Variants in PRKCQ observed in about 807,000 individuals in gnomAD.
PRKCQ encodes the protein protein kinase C theta type.
PRKCQ carries 41 observed loss-of-function variants against 91.2 expected under a neutral mutation model. The ratio of observed to expected loss-of-function variants is 0.45; its 90% CI spans 0.35 to 0.58. The LOEUF is 0.58. PRKCQ is among the 20% of genes least tolerant of loss of function. The pLI is 0.00. For missense variants in PRKCQ, 673 were observed against 896.5 expected, an observed-to-expected ratio of 0.75 and a Z score of 3.18; for synonymous variants, 307 against 316.9, an observed-to-expected ratio of 0.97 and a Z score of 0.33.
At chr10:6,395,122 GC>G in the PRKCQ span, among the ~76,000 whole-genome samples, 14 of 146,318 alleles carry the variant, frequency 9.6e-5, no homozygotes, top group Admixed American at 2.1e-4. Context: ...GAGTGCAGTG[GC>G]TGTGATCTCG....
chr10:6,490,142 G>A (rs938821837), intron 8 of PRKCQ, among the ~76,000 whole-genome samples: 8 of 152,032 alleles, frequency 5.3e-5, no homozygotes, highest in Admixed American at 2.6e-4. Context: ...GTCCTTTGGG[G>A]CCAGGAACGG....
rs77047902 is a variant in PRKCQ at position 6,446,947 on chromosome 10, G to A, written c.1648-4866C>T. Among the ~76,000 whole-genome samples the A allele has an allele frequency of 5.3e-3, 812 of 152,292 alleles. 10 individuals are homozygous for A. Among genetic ancestry groups the A allele is most frequent in the African/African-American group, 0.019 (770 of 41,566 alleles). On this transcript the variant is annotated intron_variant, in intron 15 of 17. Coordinates refer to ENST00000263125, the MANE Select transcript of PRKCQ (RefSeq NM_006257.5). ...GGGAAGTCAGGTCTGGACAGGCGGG[G>A]CTCTGCCACCATGATGTGCAACTGG...
chr10:6,444,762 A>G (rs568433142), intron 15 of PRKCQ, among the ~76,000 whole-genome samples: 1 of 152,208 alleles, frequency 6.6e-6, no homozygotes, highest in African/African-American at 2.4e-5. Context: ...CGCTACTCGT[A>G]TGACATGGAA....
intron 4 of PRKCQ, among the ~76,000 whole-genome samples, chr10:6,501,459 CT>C (rs1423698781): frequency 2.6e-5 from 4 of 151,880 alleles, no homozygotes; most frequent in Admixed American, 6.6e-5. Flanking sequence ...GCAGCTGTCT[CT>C]GAGGCAGAGG....
At chr10:6,485,291 A>AGACC (rs773578487) in intron 9 of PRKCQ, 22 bp from the exon 10 acceptor site, 61 of 1,593,016 alleles carry the variant, frequency 3.8e-5, no homozygotes, top group Non-Finnish European at 4.8e-5. Context: ...ACAGAGAGTC[A>AGACC]GACCACCCAC....
At chr10:6,513,169 T>C (rs966208056) in intron 2 of PRKCQ, among the ~76,000 whole-genome samples, 11 of 152,206 alleles carry the variant, frequency 7.2e-5, no homozygotes, top group Non-Finnish European at 1.3e-4. Context: ...CGCAGCCCCG[T>C]AGCCTGTTTG....
At chr10:6,544,392 A>C (rs1839878364) in intron 1 of PRKCQ, among the ~76,000 whole-genome samples, 1 of 152,218 alleles carries the variant, frequency 6.6e-6, no homozygotes, top group Non-Finnish European at 1.5e-5. Flanking sequence ...TGCCCATTCT[A>C]ATAATGCGAT....
chr10:6,508,495 T>C (rs540892812), intron 3 of PRKCQ, among the ~76,000 whole-genome samples: 10 of 152,380 alleles, frequency 6.6e-5, no homozygotes, highest in East Asian at 3.9e-4. Context: ...ATAATAGCAA[T>C]GCCTATGTCA....
chr10:6,420,774 G>A, the PRKCQ span, among the ~76,000 whole-genome samples: 1 of 152,214 alleles, frequency 6.6e-6, no homozygotes, highest in Non-Finnish European at 1.5e-5. Flanking sequence ...TCCACTGTGT[G>A]TGGCCTCTTT....
chr10:6,428,360 T>G lies in PRKCQ; in HGVS notation c.1968A>C (p.Lys656Asn). Residue 656 changes from lysine to asparagine, a missense_variant and splice_region_variant, in exon 18 of 18, where the codon AAA (lysine) becomes AAC (asparagine). Lys to Asn is a moderately conservative substitution (Grantham distance 94, BLOSUM62 0). Transcript: ENST00000263125. ...CGAAATTGCTGCAGTCAAATGGTGA[T>G]TTCTTAGTCAGAGTTTAAGGGAAGA... is the stretch of plus-strand genomic sequence containing the variant. ...EIDPPFRPKV[K>N]SPFDCSNFDK... The G allele has an allele frequency of 6.2e-7, 1 of 1,612,830 alleles. No individual in the cohort carries two copies. The highest frequency in any genetic ancestry group is 8.5e-7 in the Non-Finnish European group (1 of 1,179,526).
chr10:6,538,599 T>C (rs770303790), intron 1 of PRKCQ, among the ~76,000 whole-genome samples: 4 of 152,198 alleles, frequency 2.6e-5, no homozygotes, highest in Non-Finnish European at 5.9e-5. Context: ...GGGCCTTTCC[T>C]TGCTTGGCTG....
At chr10:6,531,292 C>A (rs762598133) in intron 1 of PRKCQ, among the ~76,000 whole-genome samples, 4 of 152,086 alleles carry the variant, frequency 2.6e-5, no homozygotes, top group Non-Finnish European at 4.4e-5. Context: ...CAGAATCCAG[C>A]ACAGTGCCTG....
At chr10:6,418,127 C>G in the PRKCQ span, among the ~76,000 whole-genome samples, 1 of 152,230 alleles carries the variant, frequency 6.6e-6, no homozygotes, top group Non-Finnish European at 1.5e-5. Flanking sequence ...CAAATAACAA[C>G]ATCCTTGATT....
At chr10:6,394,169 C>T in the PRKCQ span, among the ~76,000 whole-genome samples, 1 of 152,218 alleles carries the variant, frequency 6.6e-6, no homozygotes, top group Admixed American at 6.5e-5. Flanking sequence ...GGTGTCATGT[C>T]GTTCATTCCT....
At chr10:6,460,959 A>C (rs906556595) in intron 14 of PRKCQ, among the ~76,000 whole-genome samples, 11 of 140,878 alleles carry the variant, frequency 7.8e-5, no homozygotes, top group African/African-American at 2.3e-4. Context: ...CATCATCCAT[A>C]CATCATCCAT....
Position 6,456,732 on chromosome 10 carries a change from A to G in PRKCQ, c.1589T>C (p.Met530Thr). The change falls in exon 15 of 18, where the codon ATG becomes ACG. Residue 530 changes from methionine to threonine, a missense_variant. Coordinates refer to ENST00000263125, the MANE Select transcript of PRKCQ (RefSeq NM_006257.5). ...GGTATTCGTCTTGGCATCTCCTAAC[A>G]TGTTCTCCTTGCACATTCCAAAATC... ...IADFGMCKEN[M>T]LGDAKTNTFC... 6.2e-7 allele frequency: 1 copy of G among 1,614,094 alleles called. No homozygotes were observed.
intron 8 of PRKCQ, chr10:6,489,505 G>T (rs1374346585): frequency 1.5e-5 from 8 of 521,986 alleles, no homozygotes; most frequent in East Asian, 1.1e-4. Context: ...AGGCTAAGGA[G>T]GCCCTACTTA....
chr10:6,531,562 C>G (rs1012067142), intron 1 of PRKCQ, among the ~76,000 whole-genome samples: 4 of 151,704 alleles, frequency 2.6e-5, no homozygotes, highest in African/African-American at 9.7e-5. Context: ...CTCCCCAACC[C>G]ATTCCTCACC....
chr10:6,475,538 T>G (rs2130752629), intron 12 of PRKCQ, among the ~76,000 whole-genome samples: 1 of 152,334 alleles, frequency 6.6e-6, no homozygotes, highest in South Asian at 2.1e-4. Flanking sequence ...TCCTGAATAA[T>G]CTGGTATTCA....
Sources: allele counts gnomAD v4.1 joint callset (sites outside exome capture counted in the v4.1 genomes callset), GRCh38; gene constraint gnomAD v4.1.1; transcripts MANE v1.5; gene names NCBI Gene and HGNC (gene_info 2026-07-23, HGNC 2026-07-21).